Variants in GLB1 observed in about 807,000 individuals in gnomAD.
The protein encoded by GLB1 is galactosidase beta 1.
In GLB1, 56 loss-of-function variants were observed where a neutral mutation model predicts 74.0. The observed-to-expected ratio is 0.76, with a 90% CI of 0.61 to 0.94. The LOEUF (loss-of-function observed/expected upper bound fraction) is 0.94. Among genes scored for constraint, GLB1 ranks in the 40% least tolerant of loss-of-function variants. The pLI is 0.00. For synonymous variants in GLB1, 323 were observed against 323.6 expected (o/e 1.00, Z 0.02); for missense variants, 787 against 845.5 (o/e 0.93, Z 0.86).
intron 15 of GLB1, among the ~76,000 whole-genome samples, chr3:32,999,577 A>G (rs1005645283): frequency 2.2e-4 from 33 of 152,246 alleles, no homozygotes; most frequent in African/African-American, 7.5e-4. Context: ...TAAGCTGGGA[A>G]TTGTTTTCCC....
rs199671218 is a variant in GLB1, at chr3:33,093,256, G to A, written c.75+3755C>T. Reference sequence around the variant, plus strand: ...CCACTGCCACTGCCACCACCACCACGTTGGGCCCGTGTGGCGGAAATCTTC... The same window carrying A: ...CCACTGCCACTGCCACCACCACCACATTGGGCCCGTGTGGCGGAAATCTTC... On this transcript the variant is annotated intron_variant, in intron 1 of 15. Transcript: ENST00000307363. The surrounding 1 kb of genome is among the most constrained non-coding windows in gnomAD (Gnocchi z 6.0). The A allele has an allele frequency of 8.1e-6, 13 of 1,614,154 alleles. No homozygotes were observed. Among genetic ancestry groups the A allele is most frequent in the African/African-American group, 2.7e-5 (2 of 75,046 alleles).
chr3:33,014,173 C>T lies in GLB1; in HGVS notation c.1617G>A (p.Trp539Ter), dbSNP rs1697143129. 1 of 1,613,920 alleles carries T rather than the reference C, an allele frequency of 6.2e-7. No individual in the cohort carries two copies. The highest frequency in any genetic ancestry group is 1.3e-5 in the African/African-American group (1 of 74,862). ...GCGTGTAGTTGGATGAGTTGTGGGC[C>T]CAGGCTTCATCATGGTGGCCACTGT... ...HRDSGHHDEAWAHNSSNYTLP... is the reference protein window; with the variant it reads ...HRDSGHHDEA The change falls in exon 15 of 16, where the codon TGG becomes TGA. Residue 539 changes from tryptophan to a stop codon, truncating the protein, a stop_gained. Coordinates refer to ENST00000307363, the MANE Select transcript of GLB1 (RefSeq NM_000404.4). LOFTEE classifies it high-confidence loss of function.
intron 15 of GLB1, among the ~76,000 whole-genome samples, chr3:32,999,338 C>T (rs1430788510): frequency 2.0e-5 from 3 of 152,198 alleles, no homozygotes; most frequent in East Asian, 1.9e-4. Context: ...TTTACTTTTG[C>T]GGTCAAGGGG....
chr3:33,030,936 T>C, intron 10 of GLB1: 1 of 541,882 alleles, frequency 1.8e-6, no homozygotes, highest in South Asian at 8.0e-5. Context: ...CCCTATATTT[T>C]TATGGTTCAT....
rs1204670696 is a variant in GLB1, at chr3:33,065,531, A to G, written c.484T>C (p.Leu162=). The change falls in exon 5 of 16, where the codon TTG becomes CTG. Residue 162 remains leucine, a synonymous_variant. Coordinates refer to ENST00000307363, the MANE Select transcript of GLB1 (RefSeq NM_000404.4). ...TTCATCTTGGGCAGAAGGACTCCCAACCACTTGTCCACAGCTGCCAGGTAA... is the reference window on the plus strand; with the variant it reads ...TTCATCTTGGGCAGAAGGACTCCCAGCCACTTGTCCACAGCTGCCAGGTAA... The part of the protein sequence containing the change: ...PDYLAAVDKW[L]GVLLPKMKPL... The G allele has an allele frequency of 6.3e-7, 1 of 1,582,776 alleles. No homozygotes were observed.
intron 9 of GLB1, among the ~76,000 whole-genome samples, chr3:33,049,110 A>G (rs763061917): frequency 2.0e-5 from 3 of 152,164 alleles, no homozygotes; most frequent in Non-Finnish European, 4.4e-5. Context: ...CATGAACCAT[A>G]AAGTTCCAAA....
Position 33,016,857 on chromosome 3 carries a change from C to T in GLB1, c.1348-17G>A. ...CTGGGGGATCTGTGGGGTTCAAGAC[C>T]AAATGACAATTGAATTGAGGGTAAG... On this transcript the variant is annotated splice_polypyrimidine_tract_variant and intron_variant, in intron 13 of 15. Coordinates refer to ENST00000307363, the MANE Select transcript of GLB1 (RefSeq NM_000404.4). 6.2e-7 allele frequency: 1 copy of T among 1,613,310 alleles called. No individual in the cohort carries two copies. Among genetic ancestry groups the T allele is most frequent in the Non-Finnish European group, 8.5e-7 (1 of 1,179,486 alleles).
chr3:33,093,601 G>A lies in GLB1; in HGVS notation c.75+3410C>T. The A allele has an allele frequency of 1.2e-6, 2 of 1,614,178 alleles. No homozygotes were observed. The highest frequency in any genetic ancestry group is 1.7e-6 in the Non-Finnish European group (2 of 1,180,014). Reference sequence around the variant, plus strand: ...AGGTTGTTCATTGAGGCAGGCAGCTGATGGATGGGCACCTCCACAGTTTTC... The same window carrying A: ...AGGTTGTTCATTGAGGCAGGCAGCTAATGGATGGGCACCTCCACAGTTTTC... On this transcript the variant is annotated intron_variant, in intron 1 of 15. Coordinates refer to ENST00000307363, the MANE Select transcript of GLB1 (RefSeq NM_000404.4). The surrounding 1 kb of genome is among the most constrained non-coding windows in gnomAD (Gnocchi z 6.0).
chr3:33,008,044 G>A (rs1244188495), intron 15 of GLB1, among the ~76,000 whole-genome samples: 1 of 152,212 alleles, frequency 6.6e-6, no homozygotes, highest in Non-Finnish European at 1.5e-5. Flanking sequence ...TACGGAGATA[G>A]TGTCTATAAA....
intron 9 of GLB1, among the ~76,000 whole-genome samples, chr3:33,049,463 C>CT (rs1698886365): frequency 6.6e-6 from 1 of 152,194 alleles, no homozygotes; most frequent in South Asian, 2.1e-4. Flanking sequence ...GTCACCCAGG[C>CT]TGGAGTGCAA....
intron 1 of GLB1, among the ~76,000 whole-genome samples, chr3:33,088,672 T>C (rs764785939): frequency 6.6e-6 from 1 of 152,156 alleles, no homozygotes; most frequent in Admixed American, 6.5e-5. Context: ...CCTATGTTCA[T>C]GGAGTGGAAG....
chr3:32,965,904 T>C, the GLB1 span, among the ~76,000 whole-genome samples: 4 of 152,194 alleles, frequency 2.6e-5, no homozygotes, highest in African/African-American at 9.7e-5. Flanking sequence ...GCAGGTTCCA[T>C]GTTGTGTTGA....
In GLB1 at chr3:33,011,005, C is replaced by G. The variant is rs554397834; in HGVS notation, c.1734+3051G>C. ...CCAAGTAGCTGAGATTACAGTTACT[C>G]ACCACCACGCCTGGCTAATTTTTGT... On this transcript the variant is annotated intron_variant, in intron 15 of 15. Transcript: ENST00000307363. Among the ~76,000 whole-genome samples, 4 of 152,184 alleles carry G rather than the reference C, an allele frequency of 2.6e-5. No homozygotes were observed. The South Asian group carries it at 6.2e-4, about 24-fold the overall frequency.
chr3:33,006,615 C>T (rs780835712), intron 15 of GLB1, among the ~76,000 whole-genome samples: 89 of 152,192 alleles, frequency 5.8e-4, no homozygotes, highest in Admixed American at 3.9e-4. Context: ...GTCTGCTGGA[C>T]AGAGCAGAAC....
chr3:32,995,021 A>G (rs980831794), downstream of GLB1, among the ~76,000 whole-genome samples: 1 of 152,070 alleles, frequency 6.6e-6, no homozygotes, highest in African/African-American at 2.4e-5. Flanking sequence ...ATTCCCTCAC[A>G]TTGATAAGAC....
chr3:33,012,664 T>G (rs762063863), intron 15 of GLB1, among the ~76,000 whole-genome samples: 2 of 152,192 alleles, frequency 1.3e-5, no homozygotes, highest in Non-Finnish European at 2.9e-5. Context: ...ACAATTGGTC[T>G]AAATTCAAAC....
At chr3:33,096,958 C>T in intron 1 of GLB1, 53 bp downstream of exon 1, 1 of 1,592,804 alleles carries the variant, frequency 6.3e-7, no homozygotes, top group South Asian at 1.1e-5. Context: ...CCCGGTTCCC[C>T]GCCAGCCTGT....
At chr3:32,982,533 T>A in the GLB1 span, among the ~76,000 whole-genome samples, 16,362 of 151,998 alleles carry the variant, frequency 0.11, 1,125 homozygotes, top group African/African-American at 0.2. Context: ...GACAAACAAC[T>A]AAAGTAGAAA....
At chr3:33,025,106 T>C (rs536070523) in intron 10 of GLB1, among the ~76,000 whole-genome samples, 6 of 152,238 alleles carry the variant, frequency 3.9e-5, no homozygotes, top group African/African-American at 1.4e-4. Flanking sequence ...CCACCACACC[T>C]GGCTAATTTT....
Sources: allele counts gnomAD v4.1 joint callset (sites outside exome capture counted in the v4.1 genomes callset), GRCh38; gene constraint gnomAD v4.1.1; non-coding constraint Gnocchi (gnomAD v3.1); transcripts MANE v1.5; gene names NCBI Gene and HGNC (gene_info 2026-07-23, HGNC 2026-07-21).